The following PDE5A variants were observed in gnomAD, a reference collection of about 807,000 sequenced individuals.
The protein encoded by PDE5A is phosphodiesterase 5A.
A neutral mutation model predicts 110.2 loss-of-function variants in PDE5A; 67 were observed. The observed-to-expected ratio is 0.61, with a 90% CI of 0.50 to 0.75. The LOEUF (loss-of-function observed/expected upper bound fraction) is 0.75, where lower values mean the gene tolerates loss of function less well. PDE5A is among the 30% of genes least tolerant of loss of function. The pLI is 0.00. For missense variants in PDE5A, 862 were observed against 1,045.1 expected (o/e 0.82, Z 2.42); for synonymous variants, 328 against 351.2 (o/e 0.93, Z 0.74).
At chr4:119,561,602 G>A (rs936211582) in intron 6 of PDE5A, among the ~76,000 whole-genome samples, 7 of 152,092 alleles carry the variant, frequency 4.6e-5, no homozygotes, top group Non-Finnish European at 1.0e-4. Context: ...GGGTCATAGA[G>A]CAAAAATTAC....
Position 119,628,514 on chromosome 4 carries a change from T to G in PDE5A, c.152+6A>C, listed in dbSNP as rs200298346. 10 of 1,567,472 alleles carry G rather than the reference T, an allele frequency of 6.4e-6. No homozygotes were observed. The highest frequency in any genetic ancestry group is 8.7e-6 in the Non-Finnish European group (10 of 1,152,224). On this transcript the variant is annotated splice_donor_region_variant and intron_variant, in intron 1 of 20. Coordinates refer to ENST00000354960, the MANE Select transcript of PDE5A (RefSeq NM_001083.4). ...GCCCCGGGTCTTCCGTGGGTCCTCTTCTTACCTGGTGGCTTTTCTAACAAA... is the reference window on the plus strand; with the variant it reads ...GCCCCGGGTCTTCCGTGGGTCCTCTGCTTACCTGGTGGCTTTTCTAACAAA...
chr4:119,509,852 G>T (rs914834342), intron 15 of PDE5A, among the ~76,000 whole-genome samples: 11 of 152,032 alleles, frequency 7.2e-5, no homozygotes, highest in African/African-American at 2.4e-4. Flanking sequence ...AGAGAGGGGT[G>T]TGGAGTTCCT....
intron 12 of PDE5A, among the ~76,000 whole-genome samples, chr4:119,523,230 A>G (rs1726193397): frequency 6.6e-6 from 1 of 152,028 alleles, no homozygotes; most frequent in African/African-American, 2.4e-5. Context: ...GTAAAAGATA[A>G]AAAGTGAAAA....
chr4:119,520,827 A>T, intron 13 of PDE5A, 108 bp downstream of exon 13: 1 of 933,012 alleles, frequency 1.1e-6, no homozygotes, highest in Non-Finnish European at 1.6e-6. Flanking sequence ...GGCAGCAAAT[A>T]TTATTTTAAA....
intron 16 of PDE5A, among the ~76,000 whole-genome samples, chr4:119,506,962 C>T (rs112676647): frequency 0.028 from 4,329 of 151,980 alleles, 88 homozygotes; most frequent in South Asian, 0.067. Context: ...TCCCTGACTC[C>T]CCTCATTCCC....
At chr4:119,517,692 G>GT (rs377742398) in intron 14 of PDE5A, among the ~76,000 whole-genome samples, 104 of 141,856 alleles carry the variant, frequency 7.3e-4, no homozygotes, top group East Asian at 4.9e-3. Context: ...ATAGTTGAGT[G>GT]TTTTTTTTTT....
chr4:119,554,596 T>A (rs1053017979), intron 7 of PDE5A, among the ~76,000 whole-genome samples: 1 of 152,150 alleles, frequency 6.6e-6, no homozygotes, highest in African/African-American at 2.4e-5. Flanking sequence ...AAGAACATGC[T>A]TATTTTAATT....
At chr4:119,592,456 TAAAAAAA>T (rs55997249) in intron 3 of PDE5A, among the ~76,000 whole-genome samples, 36,942 of 65,524 alleles carry the variant, frequency 0.56, 9,071 homozygotes, top group South Asian at 0.71. Context: ...AGACTCTGTT[TAAAAAAA>T]AAAAAAAAAA....
chr4:119,554,253 T>C (rs766482295), intron 7 of PDE5A, among the ~76,000 whole-genome samples: 4 of 152,218 alleles, frequency 2.6e-5, no homozygotes, highest in African/African-American at 7.2e-5. Context: ...TTCTGTCTTT[T>C]TGTCGTGTCT....
intron 20 of PDE5A, among the ~76,000 whole-genome samples, 186 bp from the exon 21 acceptor site, chr4:119,498,924 A>G (rs1725191208): frequency 6.6e-6 from 1 of 152,158 alleles, no homozygotes; most frequent in Non-Finnish European, 1.5e-5. Flanking sequence ...CACTACAGAT[A>G]AGGAGTACAT....
chr4:119,603,375 A>C (rs572774443), intron 2 of PDE5A, among the ~76,000 whole-genome samples: 1 of 148,590 alleles, frequency 6.7e-6, no homozygotes, highest in African/African-American at 2.5e-5. Context: ...GCTTAAAATA[A>C]ATACATACAT....
chr4:119,576,836 T>C (rs1728370139), intron 3 of PDE5A, among the ~76,000 whole-genome samples: 1 of 151,656 alleles, frequency 6.6e-6, no homozygotes, highest in Admixed American at 6.6e-5. Context: ...ATAACTAAAA[T>C]CAGAGCAGAA....
At chr4:119,622,751 T>C (rs1276610199) in intron 1 of PDE5A, among the ~76,000 whole-genome samples, 1 of 150,990 alleles carries the variant, frequency 6.6e-6, no homozygotes, top group South Asian at 2.1e-4. Context: ...TGGGCACCTG[T>C]GGTCCCAGCT....
chr4:119,578,416 C>T (rs1728456036), intron 3 of PDE5A, among the ~76,000 whole-genome samples: 1 of 152,202 alleles, frequency 6.6e-6, no homozygotes, highest in Admixed American at 6.5e-5. Context: ...CTGGAGGCAT[C>T]ACGCTACCTG....
chr4:119,601,618 T>C lies in PDE5A; in HGVS notation c.742-5006A>G, dbSNP rs1437151700. Among the ~76,000 whole-genome samples the C allele has an allele frequency of 3.3e-5, 5 of 152,256 alleles. No individual in the cohort carries two copies. In the East Asian group the frequency reaches 5.8e-4, roughly 18 times the overall value. Reference sequence around the variant, plus strand: ...AGCGGGGGTCACTAGAATCCTTGAATTGGTAGTCAGCCTGGAAGAAGTGTG... The same window carrying C: ...AGCGGGGGTCACTAGAATCCTTGAACTGGTAGTCAGCCTGGAAGAAGTGTG... On this transcript the variant is annotated intron_variant, in intron 2 of 20. Transcript: ENST00000354960.
At position 119,503,520 on chromosome 4, in the gene PDE5A, G is replaced by A. The variant is rs144494106; in HGVS notation, c.2332-865C>T. ...TGTCTATTTAGAGCTGAGGCACAGC[G>A]TAGAAGGCTAACCATAAGAAAAGTA... On this transcript the variant is annotated intron_variant, in intron 18 of 20. Coordinates refer to ENST00000354960, the MANE Select transcript of PDE5A (RefSeq NM_001083.4). 3.3e-4 allele frequency among the ~76,000 whole-genome samples: 50 copies of A among 152,184 alleles called. 1 individual carries two copies. The East Asian group carries it at 4.3e-3, about 13-fold the overall frequency.
chr4:119,604,654 A>G (rs1729465120), intron 2 of PDE5A, among the ~76,000 whole-genome samples: 1 of 152,146 alleles, frequency 6.6e-6, no homozygotes, highest in Non-Finnish European at 1.5e-5. Flanking sequence ...CTGAAAAAAC[A>G]TTTCAGGACT....
At chr4:119,502,751 T>G (rs1725402952) in intron 18 of PDE5A, 96 bp from the exon 19 acceptor site, 1 of 749,328 alleles carries the variant, frequency 1.3e-6, no homozygotes, top group African/African-American at 1.8e-5. Flanking sequence ...GCTGTATATC[T>G]CCATTTTATA....
chr4:119,624,702 C>G (rs1415326639), intron 1 of PDE5A, among the ~76,000 whole-genome samples: 1 of 152,192 alleles, frequency 6.6e-6, no homozygotes, highest in Non-Finnish European at 1.5e-5. Flanking sequence ...AATCACAGAG[C>G]TGATTAGTAA....
Sources: gnomAD v4.1 joint callset for allele counts (sites outside exome capture counted in the v4.1 genomes callset) on GRCh38, gnomAD v4.1.1 for gene constraint, MANE v1.5 for transcripts, NCBI Gene and HGNC (gene_info 2026-07-23, HGNC 2026-07-21) for gene names.